The following ACIN1 variants were observed in gnomAD, a reference collection of about 807,000 sequenced individuals.
The protein encoded by ACIN1 is apoptotic chromatin condensation inducer 1, also known as apoptotic chromatin condensation inducer in the nucleus.
A neutral mutation model predicts 146.6 loss-of-function variants in ACIN1; 16 were observed. The ratio of observed to expected loss-of-function variants is 0.11; its 90% CI spans 0.07 to 0.17. The LOEUF (loss-of-function observed/expected upper bound fraction) is 0.17, where lower values mean the gene tolerates loss of function less well. ACIN1 is among the 10% of genes least tolerant of loss of function. The pLI is 1.00. For synonymous variants in ACIN1, 569 were observed against 582.7 expected (o/e 0.98, Z 0.34); for missense variants, 1,357 against 1,609.3 (o/e 0.84, Z 2.68).
At chr14:23,084,577 T>C (rs2048038262) in intron 4 of ACIN1, among the ~76,000 whole-genome samples, 1 of 144,386 alleles carries the variant, frequency 6.9e-6, no homozygotes, top group Non-Finnish European at 1.5e-5. Flanking sequence ...GCTATTGCAC[T>C]CCAGCCTGGG....
chr14:23,064,025 CTT>C, intron 12 of ACIN1, 78 bp downstream of exon 12: 2 of 1,575,136 alleles, frequency 1.3e-6, no homozygotes, highest in Non-Finnish European at 1.7e-6. Context: ...CCTCCAAAGA[CTT>C]TATCTCAGCT....
rs2047338210 is a variant in ACIN1 at position 23,063,090 on chromosome 14, C to T, written c.2738-16G>A. ...CCTAAAGTCACTATCAAGAAGACCA[C>T]AAGAACAGCTTTTGGTAGGAAGCAA... On this transcript the variant is annotated splice_polypyrimidine_tract_variant and intron_variant, in intron 13 of 18. Coordinates refer to ENST00000605057, the MANE Select transcript of ACIN1 (RefSeq NM_001386863.1). 6.3e-7 allele frequency: 1 copy of T among 1,591,086 alleles called. No individual in the cohort carries two copies.
intron 18 of ACIN1, among the ~76,000 whole-genome samples, 163 bp from the exon 19 acceptor site, chr14:23,059,637 C>A (rs974053798): frequency 2.0e-5 from 3 of 148,892 alleles, no homozygotes; most frequent in Non-Finnish European, 4.4e-5. Context: ...GCACCTCTCT[C>A]CCTCCTAGTT....
Position 23,093,822 on chromosome 14 carries a change from A to G in ACIN1, c.139-278T>C, listed in dbSNP as rs543977442. Among the ~76,000 whole-genome samples, 9 of 152,328 alleles carry G rather than the reference A, an allele frequency of 5.9e-5. No homozygotes were observed. The South Asian group carries it at 1.9e-3, about 32-fold the overall frequency. ...GGCTATGTCATAATATCAGTAATAG[A>G]ACCAGTACTAAAATCCCTATTATCT... On this transcript the variant is annotated intron_variant, in intron 1 of 18. Transcript: ENST00000605057.
At chr14:23,062,132 T>TGC in intron 16 of ACIN1, 36 bp downstream of exon 16, 1 of 1,552,722 alleles carries the variant, frequency 6.4e-7, no homozygotes, top group Non-Finnish European at 8.9e-7. Context: ...TGGCTTCCCC[T>TGC]GCCCCTCCTC....
At position 23,080,471 on chromosome 14, in the gene ACIN1, C is replaced by T. The variant is rs768354653; in HGVS notation, c.864G>A (p.Glu288=). The T allele has an allele frequency of 6.2e-7, 1 of 1,614,066 alleles. No individual in the cohort carries two copies. The highest frequency in any genetic ancestry group is 1.1e-5 in the South Asian group (1 of 91,082). Residue 288 remains glutamate (E), a synonymous_variant, in exon 6 of 19, where the codon GAG becomes GAA. Transcript: ENST00000605057. Reference sequence around the variant, plus strand: ...GTCTGGCCAGATGACTTTTTCTAGCCTCTTCCTGGGATCTTGTAAATCTCC... The same window carrying T: ...GTCTGGCCAGATGACTTTTTCTAGCTTCTTCCTGGGATCTTGTAAATCTCC... ...RGGRFTRSQE[E]ARKSHLARQQ...
intron 1 of ACIN1, 64 bp downstream of exon 1, chr14:23,094,911 C>A: frequency 1.3e-6 from 2 of 1,507,016 alleles, no homozygotes; most frequent in South Asian, 2.6e-5. Context: ...GCCTGCGCCG[C>A]GGCAGAGGCT....
intron 2 of ACIN1, among the ~76,000 whole-genome samples, chr14:23,093,222 A>G (rs1020961017): frequency 6.6e-6 from 1 of 152,254 alleles, no homozygotes; most frequent in Non-Finnish European, 1.5e-5. Flanking sequence ...CACGTAATTA[A>G]TGGAAGCCAC....
At chr14:23,076,510 A>G (rs1421773552) in intron 8 of ACIN1, 1 of 152,186 alleles carries the variant, frequency 6.6e-6, no homozygotes, top group Non-Finnish European at 1.5e-5. Context: ...TCCAAGCTTC[A>G]TGTGCCCTGG....
chr14:23,066,517 C>A (rs1320878292), intron 9 of ACIN1: 1 of 154,526 alleles, frequency 6.5e-6, no homozygotes, highest in Middle Eastern at 3.3e-3. Context: ...AATGGCCAGA[C>A]TGATGCCCAC....
chr14:23,071,514 G>A (rs368825609), intron 8 of ACIN1: 11 of 1,551,494 alleles, frequency 7.1e-6, no homozygotes, highest in Non-Finnish European at 9.6e-6. Context: ...TATTGTATTG[G>A]CGGAGCGGCA....
intron 4 of ACIN1, among the ~76,000 whole-genome samples, chr14:23,086,197 C>A (rs570466584): frequency 6.6e-6 from 1 of 152,302 alleles, no homozygotes; most frequent in East Asian, 1.9e-4. Flanking sequence ...AAGTAAGTTA[C>A]CTAGCATTTC....
At chr14:23,087,963 T>A (rs985239567) in intron 4 of ACIN1, among the ~76,000 whole-genome samples, 4 of 152,216 alleles carry the variant, frequency 2.6e-5, no homozygotes, top group Admixed American at 2.6e-4. Flanking sequence ...TATCTCCTTA[T>A]GAGGCTTTCT....
chr14:23,095,582 G>T, upstream of ACIN1: 1 of 406,722 alleles, frequency 2.5e-6, no homozygotes, highest in Non-Finnish European at 4.5e-6. Context: ...CTAAGGACTC[G>T]TGACAATCTT....
At position 23,079,680 on chromosome 14, in the gene ACIN1, T is replaced by G; in HGVS notation, c.1655A>C (p.Lys552Thr). Residue 552 changes from lysine (K) to threonine (T), a missense_variant, in exon 6 of 19, where the codon AAG becomes ACG. By Grantham distance (78) the Lys-to-Thr change is moderately conservative. This residue lies in a region of ACIN1 where 771 missense variants were observed against 746.6 expected (regional missense o/e 1.03). Transcript: ENST00000605057. Reference protein sequence around the residue: ...GSRSHSPLRSKQRDVAQARTH... With the variant: ...GSRSHSPLRSTQRDVAQARTH... ...ACGTGCCTGGGCTACATCTCTCTGC[T>G]TGGATCTGAGCGGTGAATGAGACCG... The G allele has an allele frequency of 6.2e-7, 1 of 1,614,132 alleles. No homozygotes were observed. Among genetic ancestry groups the G allele is most frequent in the Non-Finnish European group, 8.5e-7 (1 of 1,180,010 alleles).
chr14:23,079,754 GGAA>G lies in ACIN1; in HGVS notation c.1578_1580del (p.Ser531del), dbSNP rs766218319. On this transcript the variant is annotated inframe_deletion, in exon 6 of 19. Transcript: ENST00000605057. The stretch of plus-strand genomic sequence containing the variant: ...GAGATCTTGATCTAGAACTGGAGGA[GGAA>G]GATGAGGAGGACCGGCTAGAGGATG... 6.2e-7 allele frequency: 1 copy of G among 1,614,058 alleles called. No homozygotes were observed. Among genetic ancestry groups the G allele is most frequent in the African/African-American group, 1.3e-5 (1 of 74,910 alleles).
chr14:23,063,890 A>G (rs2047369055), intron 12 of ACIN1, among the ~76,000 whole-genome samples: 1 of 152,230 alleles, frequency 6.6e-6, no homozygotes, highest in Non-Finnish European at 1.5e-5. Context: ...CACAGACAAA[A>G]GTGAATGAAC....
chr14:23,066,185 C>A, intron 9 of ACIN1, 177 bp from the exon 10 acceptor site: 1 of 543,564 alleles, frequency 1.8e-6, no homozygotes, highest in Non-Finnish European at 3.2e-6. Flanking sequence ...CGGCAAACGG[C>A]AAAAACGAAG....
intron 9 of ACIN1, chr14:23,069,255 T>G: frequency 8.0e-7 from 1 of 1,242,918 alleles, no homozygotes; most frequent in Non-Finnish European, 1.0e-6. Context: ...TGGGCACTAC[T>G]TCCCCAACAA....
Sources: allele counts gnomAD v4.1 joint callset (sites outside exome capture counted in the v4.1 genomes callset), GRCh38; gene constraint gnomAD v4.1.1; regional missense constraint gnomAD v4.1.1; transcripts MANE v1.5; gene names NCBI Gene and HGNC (gene_info 2026-07-23, HGNC 2026-07-21).